The following TNFSF15 variants were observed in gnomAD, a reference collection of about 807,000 sequenced individuals.
TNFSF15 encodes the protein tumor necrosis factor ligand superfamily member 15.
Under a neutral mutation model 26.4 loss-of-function variants are expected in TNFSF15, and 15 were observed. That is an observed-to-expected ratio of 0.57 (90% CI 0.38 to 0.87). The LOEUF (loss-of-function observed/expected upper bound fraction) is 0.87. TNFSF15 is among the 40% of genes least tolerant of loss of function. The pLI, the probability that TNFSF15 is intolerant of heterozygous loss-of-function variation, is 0.00. For missense variants in TNFSF15, 290 were observed against 306.1 expected (o/e 0.95, Z 0.39); for synonymous variants, 116 against 115.0 (o/e 1.01, Z -0.06).
chr9:114,802,553 AT>A (rs2131307675), intron 1 of TNFSF15, among the ~76,000 whole-genome samples: 1 of 152,216 alleles, frequency 6.6e-6, no homozygotes, highest in East Asian at 1.9e-4. Flanking sequence ...GCCCGGCCAG[AT>A]TTTGTTTTTA....
At chr9:114,799,260 G>A (rs148371011) in intron 1 of TNFSF15, among the ~76,000 whole-genome samples, 158 of 152,232 alleles carry the variant, frequency 1.0e-3, no homozygotes, top group African/African-American at 3.4e-3. Context: ...CTGTTTCCTC[G>A]TCAATAAAAG....
In TNFSF15 at chr9:114,792,454, T is replaced by C; in HGVS notation, c.254A>G (p.Tyr85Cys). 3.1e-6 allele frequency: 5 copies of C among 1,614,076 alleles called. No homozygotes were observed. Among genetic ancestry groups the C allele is most frequent in the Non-Finnish European group, 4.2e-6 (5 of 1,179,974 alleles). ...QEFAPSHQQV[Y>C]APLRADGDKP... ...ATCTCCGTCTGCTCTAAGAGGTGCA[T>C]CTGTAACAAAAGGAGAAATGTGCTT... Residue 85 changes from tyrosine to cysteine, a missense_variant and splice_region_variant, in exon 3 of 4, where the codon TAT becomes TGT. This residue lies in a region of TNFSF15 where 179 missense variants were observed against 165.9 expected (regional missense o/e 1.08). Coordinates refer to ENST00000374045, the MANE Select transcript of TNFSF15 (RefSeq NM_005118.4).
intron 1 of TNFSF15, among the ~76,000 whole-genome samples, chr9:114,800,390 G>T (rs1184527764): frequency 6.6e-6 from 1 of 152,122 alleles, no homozygotes; most frequent in African/African-American, 2.4e-5. Flanking sequence ...AAGAGGACTG[G>T]CATTTATTGA....
intron 1 of TNFSF15, among the ~76,000 whole-genome samples, chr9:114,801,507 A>T (rs1393256917): frequency 6.6e-6 from 1 of 152,234 alleles, no homozygotes; most frequent in Non-Finnish European, 1.5e-5. Flanking sequence ...ATTCCAGGGC[A>T]GGTGAAGAAG....
intron 1 of TNFSF15, among the ~76,000 whole-genome samples, chr9:114,805,420 G>T (rs73656202): frequency 6.6e-6 from 1 of 151,920 alleles, no homozygotes; most frequent in Non-Finnish European, 1.5e-5. Context: ...AAGAGTTATG[G>T]GTAATGATGA....
chr9:114,799,910 T>G (rs113570725), intron 1 of TNFSF15, among the ~76,000 whole-genome samples: 1,526 of 152,348 alleles, frequency 0.01, 18 homozygotes, highest in South Asian at 0.047. Flanking sequence ...GCCCACAACC[T>G]GATCTTTGGA....
chr9:114,801,200 C>A (rs373434306), intron 1 of TNFSF15, among the ~76,000 whole-genome samples: 20 of 152,298 alleles, frequency 1.3e-4, no homozygotes, highest in Admixed American at 1.3e-4. Flanking sequence ...GCTTTGCCTG[C>A]ACAGACTTTG....
intron 1 of TNFSF15, 44 bp downstream of exon 1, chr9:114,805,759 G>A: frequency 6.3e-7 from 1 of 1,580,788 alleles, no homozygotes; most frequent in South Asian, 1.1e-5. Context: ...TCACTGCAGA[G>A]AGTCCACTGC....
In TNFSF15 at chr9:114,805,821, C is replaced by T; in HGVS notation, c.192G>A (p.Glu64=). The change falls in exon 1 of 4, where the codon GAG becomes GAA. Residue 64 remains glutamate, a synonymous_variant. Transcript: ENST00000374045. ...LLVSQLRAQG[E]ACVQFQALKG... Reference sequence around the variant, plus strand: ...GGCTTACCTGGAACTGCACACAGGCCTCTCCCTGGGCCCGGAGCTGGCTGA... The same window carrying T: ...GGCTTACCTGGAACTGCACACAGGCTTCTCCCTGGGCCCGGAGCTGGCTGA... The T allele has an allele frequency of 1.2e-6, 2 of 1,613,378 alleles. No homozygotes were observed. Among genetic ancestry groups the T allele is most frequent in the Non-Finnish European group, 1.7e-6 (2 of 1,180,024 alleles).
At chr9:114,803,005 C>G (rs927849650) in intron 1 of TNFSF15, among the ~76,000 whole-genome samples, 6 of 152,088 alleles carry the variant, frequency 3.9e-5, no homozygotes, top group African/African-American at 1.4e-4. Flanking sequence ...CTTCAAAGGC[C>G]TTGTTATCTC....
chr9:114,792,627 C>A (rs1182798256), intron 2 of TNFSF15, 173 bp from the exon 3 acceptor site: 2 of 1,438,766 alleles, frequency 1.4e-6, no homozygotes, highest in Non-Finnish European at 1.9e-6. Context: ...CCGCAGCAAG[C>A]ACCACCAAGG....
At chr9:114,793,764 C>T (rs1299130405) in intron 1 of TNFSF15, among the ~76,000 whole-genome samples, 196 bp from the exon 2 acceptor site, 2 of 152,198 alleles carry the variant, frequency 1.3e-5, no homozygotes, top group African/African-American at 4.8e-5. Flanking sequence ...TCCCCTGACA[C>T]TTCCAATGAC....
rs1829502000 is a variant in TNFSF15 at position 114,786,499 on chromosome 9, T to C, written c.*3953A>G. ...GAATTTCCTCTGGGGTGATGAGAACTGAATAGTTTAGGTTGAAATGGAGCC... is the reference window on the plus strand; with the variant it reads ...GAATTTCCTCTGGGGTGATGAGAACCGAATAGTTTAGGTTGAAATGGAGCC... On this transcript the variant is annotated 3_prime_UTR_variant, in exon 4 of 4. Coordinates refer to ENST00000374045, the MANE Select transcript of TNFSF15 (RefSeq NM_005118.4). The C allele has an allele frequency of 6.6e-6, 1 of 152,204 alleles. No individual in the cohort carries two copies. 9.4% of individuals were successfully genotyped at this position (152,204 alleles called of 1,614,324 possible).
rs1358516561 is a variant in TNFSF15, at chr9:114,793,521, C to T, written c.253+5G>A. 6.2e-7 allele frequency: 1 copy of T among 1,613,820 alleles called. No individual in the cohort carries two copies. The highest frequency in any genetic ancestry group is 1.1e-5 in the South Asian group (1 of 91,064). On this transcript the variant is annotated splice_donor_5th_base_variant and intron_variant, in intron 2 of 3. Transcript: ENST00000374045. Reference sequence around the variant, plus strand: ...AGGAAAGGCGTTGAAGATGAGCATACTTACAAACTTGCTGATGTGAAGGTG... The same window carrying T: ...AGGAAAGGCGTTGAAGATGAGCATATTTACAAACTTGCTGATGTGAAGGTG...
In TNFSF15 at chr9:114,784,887, C is replaced by G. The variant is rs1438035531; in HGVS notation, c.*5565G>C. ...TTTGTCACTAAAACCACATAAACAC[C>G]TACACTTCTTCAATCTGTACACCCC... On this transcript the variant is annotated 3_prime_UTR_variant, in exon 4 of 4. Coordinates refer to ENST00000374045, the MANE Select transcript of TNFSF15 (RefSeq NM_005118.4). 1 of 152,118 alleles carries G rather than the reference C, an allele frequency of 6.6e-6. No homozygotes were observed. The highest frequency in any genetic ancestry group is 1.5e-5 in the Non-Finnish European group (1 of 68,024). The allele number at this position is 152,118 out of a possible 1,614,324, so 9.4% of individuals were successfully genotyped here.
chr9:114,796,505 T>C (rs1829674191), intron 1 of TNFSF15, among the ~76,000 whole-genome samples: 1 of 152,254 alleles, frequency 6.6e-6, no homozygotes, highest in Admixed American at 6.5e-5. Flanking sequence ...TCAAGGTATC[T>C]GAAGAAACAG....
chr9:114,802,343 C>T (rs972317972), intron 1 of TNFSF15, among the ~76,000 whole-genome samples: 20 of 152,168 alleles, frequency 1.3e-4, no homozygotes, highest in African/African-American at 4.1e-4. Context: ...ACCTCCGCCT[C>T]CCGGGTTCAA....
chr9:114,797,601 C>T (rs116987003), intron 1 of TNFSF15, among the ~76,000 whole-genome samples: 381 of 152,344 alleles, frequency 2.5e-3, no homozygotes, highest in Admixed American at 4.0e-3. Context: ...AATGCCTGCT[C>T]TCAGGATGGT....
At chr9:114,791,291 G>T (rs1038380525) in intron 3 of TNFSF15, 1 of 327,514 alleles carries the variant, frequency 3.1e-6, no homozygotes, top group African/African-American at 2.2e-5. Context: ...AAAACTCATC[G>T]ATGCCTCTCT....
Sources: allele counts gnomAD v4.1 joint callset (sites outside exome capture counted in the v4.1 genomes callset), GRCh38; gene constraint gnomAD v4.1.1; regional missense constraint gnomAD v4.1.1; transcripts MANE v1.5; gene names NCBI Gene and HGNC (gene_info 2026-07-23, HGNC 2026-07-21).